Variants in FBXL20 observed in about 807,000 individuals in gnomAD.
FBXL20 encodes the protein F-box/LRR-repeat protein 20.
FBXL20 carries 11 observed loss-of-function variants against 64.0 expected under a neutral mutation model. The ratio of observed to expected loss-of-function variants is 0.17; its 90% CI spans 0.11 to 0.28. The LOEUF is 0.28. Ranked by LOEUF, FBXL20 falls within the 10% of genes least tolerant of loss-of-function variation. FBXL20 has a pLI of 1.00. For synonymous variants in FBXL20, 184 were observed against 189.0 expected (o/e 0.97, Z 0.22); for missense variants, 303 against 526.2 (o/e 0.58, Z 4.15).
intron 2 of FBXL20, among the ~76,000 whole-genome samples, chr17:39,310,439 C>T (rs1485224198): frequency 6.6e-6 from 1 of 152,080 alleles, no homozygotes; most frequent in Non-Finnish European, 1.5e-5. Context: ...GAATTCATCC[C>T]CTAAACCTTT....
chr17:39,270,481 T>C (rs1271945373), intron 11 of FBXL20, among the ~76,000 whole-genome samples: 5 of 151,874 alleles, frequency 3.3e-5, no homozygotes, highest in Non-Finnish European at 5.9e-5. Flanking sequence ...GAGGTGGAGG[T>C]TGCAGTGAGC....
chr17:39,285,379 T>C, intron 7 of FBXL20, 99 bp downstream of exon 7: 1 of 707,842 alleles, frequency 1.4e-6, no homozygotes, highest in Non-Finnish European at 2.2e-6. Context: ...AATATATCCA[T>C]AAAACAGAGT....
chr17:39,291,382 C>T (rs1196225683), intron 6 of FBXL20, among the ~76,000 whole-genome samples: 1 of 150,226 alleles, frequency 6.7e-6, no homozygotes, highest in Non-Finnish European at 1.5e-5. Flanking sequence ...AGAGGAGAGA[C>T]TCTTTTCTAG....
At chr17:39,314,792 TTTC>T (rs1383485699) in intron 2 of FBXL20, among the ~76,000 whole-genome samples, 33 of 138,698 alleles carry the variant, frequency 2.4e-4, no homozygotes, top group African/African-American at 9.3e-4. Flanking sequence ...TCCATATCCT[TTTC>T]TTTTTTTTTT....
At position 39,292,379 on chromosome 17, in the gene FBXL20, T is replaced by C. The variant is rs190549080; in HGVS notation, c.398+4748A>G. ...TGTAATTGTTATTTAAAATTTCTTA[T>C]GTACTTATTTACTTACTTTTTGAAA... On this transcript the variant is annotated intron_variant, in intron 6 of 14. Coordinates refer to ENST00000264658, the MANE Select transcript of FBXL20 (RefSeq NM_032875.3). Among the ~76,000 whole-genome samples, 7 of 150,802 alleles carry C rather than the reference T, an allele frequency of 4.6e-5. No individual in the cohort carries two copies. The East Asian group carries it at 1.3e-3, about 29-fold the overall frequency.
intron 2 of FBXL20, among the ~76,000 whole-genome samples, chr17:39,313,069 C>T (rs1290606871): frequency 2.6e-5 from 4 of 150,970 alleles, no homozygotes; most frequent in Non-Finnish European, 5.9e-5. Context: ...CCGGCGCGCA[C>T]CATCATGCCT....
At position 39,253,612 on chromosome 17, in the gene FBXL20, G is replaced by A. The variant is rs755500; in HGVS notation, c.*7848C>T. On this transcript the variant is annotated 3_prime_UTR_variant, in exon 15 of 15. Transcript: ENST00000264658. ...TGTGTATGTGCCAACAGGCTGTAAG[G>A]GTTAGAAGTTAGTGTGTAATTTGGA... 0.67 allele frequency: 102,121 copies of A among 152,064 alleles called. 35,465 individuals are homozygous for A. Among genetic ancestry groups the A allele is most frequent in the South Asian group, 0.89 (4,284 of 4,810 alleles). 9.4% of individuals were successfully genotyped at this position (152,064 alleles called of 1,614,324 possible). A position where few individuals can be genotyped will look rare whatever the true frequency, so the allele number is the denominator to read the frequency against.
intron 1 of FBXL20, among the ~76,000 whole-genome samples, chr17:39,362,165 C>T (rs2047802014): frequency 2.6e-5 from 4 of 151,890 alleles, no homozygotes; most frequent in Middle Eastern, 6.8e-3. Flanking sequence ...TGGTGGCGGG[C>T]GCCTGCAGTC....
intron 2 of FBXL20, among the ~76,000 whole-genome samples, chr17:39,326,256 T>C (rs926371815): frequency 2.0e-5 from 3 of 152,080 alleles, no homozygotes; most frequent in Non-Finnish European, 4.4e-5. Flanking sequence ...TATTTAATTA[T>C]GGCAATGCAA....
chr17:39,357,703 C>G (rs1183639394), intron 1 of FBXL20, among the ~76,000 whole-genome samples: 1 of 152,160 alleles, frequency 6.6e-6, no homozygotes, highest in African/African-American at 2.4e-5. Context: ...TCACCATGCC[C>G]AGCTGGCAAA....
chr17:39,376,492 G>A (rs1478770822), intron 1 of FBXL20, among the ~76,000 whole-genome samples: 2 of 152,166 alleles, frequency 1.3e-5, no homozygotes, highest in Non-Finnish European at 2.9e-5. Context: ...GCCCAGCATT[G>A]TGCACATACT....
At chr17:39,318,179 G>C (rs184661429) in intron 2 of FBXL20, among the ~76,000 whole-genome samples, 18 of 152,272 alleles carry the variant, frequency 1.2e-4, no homozygotes, top group Non-Finnish European at 8.8e-5. Flanking sequence ...ATTATACCAT[G>C]TTGTCTACTT....
chr17:39,395,814 G>T (rs973577313), intron 1 of FBXL20, among the ~76,000 whole-genome samples: 1 of 152,176 alleles, frequency 6.6e-6, no homozygotes, highest in African/African-American at 2.4e-5. Context: ...AAAAGCAGGA[G>T]TATGAGTGAA....
upstream of FBXL20, chr17:39,401,650 C>T: frequency 2.2e-6 from 3 of 1,346,736 alleles, no homozygotes; most frequent in Non-Finnish European, 2.8e-6. Context: ...CAACCCAAAA[C>T]AAAAACACTC....
intron 1 of FBXL20, among the ~76,000 whole-genome samples, chr17:39,382,914 T>G (rs1212735444): frequency 6.6e-6 from 1 of 151,866 alleles, no homozygotes; most frequent in Non-Finnish European, 1.5e-5. Context: ...CCCAGCACTT[T>G]GTGAGGCCGA....
At chr17:39,312,979 C>T (rs867141227) in intron 2 of FBXL20, among the ~76,000 whole-genome samples, 2 of 141,894 alleles carry the variant, frequency 1.4e-5, no homozygotes, top group South Asian at 2.2e-4. Context: ...ACTGCAGTGG[C>T]GCGATCTCGG....
chr17:39,378,551 C>G (rs868283320), intron 1 of FBXL20, among the ~76,000 whole-genome samples: 1 of 151,896 alleles, frequency 6.6e-6, no homozygotes, highest in South Asian at 2.1e-4. Flanking sequence ...ATTCATTAGA[C>G]AATTACAAAG....
chr17:39,347,558 T>C (rs2047646515), intron 1 of FBXL20, among the ~76,000 whole-genome samples: 4 of 152,230 alleles, frequency 2.6e-5, no homozygotes, highest in Non-Finnish European at 5.9e-5. Flanking sequence ...TCTTGTAAAT[T>C]TGTTTAAGTT....
intron 1 of FBXL20, among the ~76,000 whole-genome samples, chr17:39,362,379 T>C (rs2047805295): frequency 1.3e-5 from 2 of 152,178 alleles, no homozygotes; most frequent in African/African-American, 4.8e-5. Flanking sequence ...GTACGAGGAC[T>C]GCCTAAGCCC....
Sources: gnomAD v4.1 joint callset for allele counts (sites outside exome capture counted in the v4.1 genomes callset) on GRCh38, gnomAD v4.1.1 for gene constraint, MANE v1.5 for transcripts, NCBI Gene and HGNC (gene_info 2026-07-23, HGNC 2026-07-21) for gene names.